Variants in BRD10 observed in about 807,000 individuals in gnomAD.
The protein encoded by BRD10 is bromodomain containing 10.
the BRD10 span, chr9:5,968,385 G>C: frequency 6.2e-7 from 1 of 1,611,606 alleles, no homozygotes; most frequent in South Asian, 1.1e-5. Flanking sequence ...TATTTTTCCT[G>C]ATTTTCTATA....
chr9:5,993,928 T>C, the BRD10 span, among the ~76,000 whole-genome samples: 2 of 152,116 alleles, frequency 1.3e-5, no homozygotes, highest in Non-Finnish European at 2.9e-5. Flanking sequence ...CAGAAAATTT[T>C]ACTGGGGAAT....
the BRD10 span, among the ~76,000 whole-genome samples, chr9:5,932,579 A>T: frequency 6.6e-6 from 1 of 152,174 alleles, no homozygotes; most frequent in Admixed American, 6.5e-5. Flanking sequence ...CTACAGGAGG[A>T]TGTGTGTAGG....
the BRD10 span, chr9:5,921,720 C>A: frequency 6.2e-7 from 1 of 1,613,782 alleles, no homozygotes. Context: ...TTGTTTTGTC[C>A]AAAATTTGCT....
At chr9:5,923,553 A>G in the BRD10 span, among the ~76,000 whole-genome samples, 22 of 152,166 alleles carry the variant, frequency 1.4e-4, no homozygotes, top group African/African-American at 5.3e-4. Flanking sequence ...TTTGGTCAAA[A>G]TTTTTGGTCA....
the BRD10 span, chr9:5,968,885 A>C: frequency 6.2e-7 from 1 of 1,613,150 alleles, no homozygotes; most frequent in East Asian, 2.2e-5. Context: ...AGGCTGTCCA[A>C]GTACAGCATC....
chr9:5,930,511 G>A, the BRD10 span, among the ~76,000 whole-genome samples: 1 of 151,836 alleles, frequency 6.6e-6, no homozygotes, highest in East Asian at 1.9e-4. Flanking sequence ...CACATTAACA[G>A]GTAAATTTCT....
chr9:5,921,799 G>C, the BRD10 span: 1 of 1,613,828 alleles, frequency 6.2e-7, no homozygotes, highest in East Asian at 2.2e-5. Context: ...AACAAATAGA[G>C]GACTTCAAGG....
At chr9:5,917,434 C>G in the BRD10 span, among the ~76,000 whole-genome samples, 1 of 152,220 alleles carries the variant, frequency 6.6e-6, no homozygotes, top group East Asian at 1.9e-4. Flanking sequence ...TAGGCAGGAA[C>G]AGACTGAAGA....
At chr9:6,000,254 A>G in the BRD10 span, among the ~76,000 whole-genome samples, 1 of 152,160 alleles carries the variant, frequency 6.6e-6, no homozygotes, top group Non-Finnish European at 1.5e-5. Flanking sequence ...ACGATATAAC[A>G]AAGGGTTTGG....
chr9:5,921,693 T>C, the BRD10 span: 1 of 1,613,872 alleles, frequency 6.2e-7, no homozygotes, highest in South Asian at 1.1e-5. Flanking sequence ...TTAGTTGGAG[T>C]ATGAATAATA....
At chr9:5,889,768 G>C in the BRD10 span, among the ~76,000 whole-genome samples, 1 of 150,542 alleles carries the variant, frequency 6.6e-6, no homozygotes, top group African/African-American at 2.5e-5. Flanking sequence ...CTGGGCGACA[G>C]AGTGAGTCTC....
At chr9:6,007,854 G>C in the BRD10 span, 4 of 1,376,552 alleles carry the variant, frequency 2.9e-6, no homozygotes, top group Admixed American at 3.6e-5. Context: ...GCGTGAGCGC[G>C]AGCCGCTTCC....
chr9:5,957,035 G>C, the BRD10 span, among the ~76,000 whole-genome samples: 37 of 152,148 alleles, frequency 2.4e-4, no homozygotes, highest in African/African-American at 8.4e-4. Context: ...TTATAGTGAA[G>C]AAAACACTGA....
chr9:5,906,961 G>A, the BRD10 span: 1 of 1,599,442 alleles, frequency 6.3e-7, no homozygotes, highest in Non-Finnish European at 8.5e-7. Flanking sequence ...CATCGGGACA[G>A]CAAAGTGTCT....
chr9:5,914,409 GGTTTTTTTTTTTTTTTTT>G, the BRD10 span, among the ~76,000 whole-genome samples: 4 of 106,966 alleles, frequency 3.7e-5, 1 homozygote, highest in Middle Eastern at 6.4e-3. Flanking sequence ...AAATCCAGAT[GGTTTTTTTTTTTTTTTTT>G]TTTTTTTTTT....
the BRD10 span, among the ~76,000 whole-genome samples, chr9:6,002,091 A>G: frequency 6.6e-6 from 1 of 152,216 alleles, no homozygotes; most frequent in East Asian, 1.9e-4. Context: ...TGTTCTGACA[A>G]TGGAACACGT....
the BRD10 span, among the ~76,000 whole-genome samples, chr9:5,916,851 G>A: frequency 5.4e-4 from 82 of 152,170 alleles, no homozygotes; most frequent in Middle Eastern, 3.4e-3. Context: ...TGCCTTTATA[G>A]ACGCCCTTTA....
the BRD10 span, among the ~76,000 whole-genome samples, chr9:6,002,948 G>A: frequency 5.3e-5 from 8 of 152,122 alleles, no homozygotes; most frequent in Admixed American, 5.2e-4. Flanking sequence ...GCCTCCCTAA[G>A]TGCCGGGATT....
chr9:5,880,437 C>T, the BRD10 span, among the ~76,000 whole-genome samples: 1 of 150,802 alleles, frequency 6.6e-6, no homozygotes, highest in East Asian at 2.0e-4. Context: ...CTGCTTCAAC[C>T]TGGGAGACGG....
Sources: allele counts gnomAD v4.1 joint callset (sites outside exome capture counted in the v4.1 genomes callset), GRCh38; gene constraint gnomAD v4.1.1; transcripts MANE v1.5; gene names NCBI Gene and HGNC (gene_info 2026-07-23, HGNC 2026-07-21).